Variants in PCDH9 observed in about 807,000 individuals in gnomAD.
PCDH9 encodes the protein protocadherin 9, also known as protocadherin-9.
A neutral mutation model predicts 70.6 loss-of-function variants in PCDH9; 24 were observed. The ratio of observed to expected loss-of-function variants is 0.34; its 90% CI spans 0.25 to 0.48. The LOEUF is 0.48. Ranked by LOEUF, PCDH9 falls within the 20% of genes least tolerant of loss-of-function variation. The pLI is 0.99. For synonymous variants in PCDH9, 562 were observed against 558.5 expected (o/e 1.01, Z -0.09); for missense variants, 1,281 against 1,503.6 (o/e 0.85, Z 2.45).
At chr13:67,174,306 G>GATACATACATACATAC (rs768285646) in intron 2 of PCDH9, among the ~76,000 whole-genome samples, 3 of 142,498 alleles carry the variant, frequency 2.1e-5, no homozygotes, top group South Asian at 2.2e-4. Context: ...TAGATAGATA[G>GATACATACATACATAC]ATAGATAGAT....
chr13:67,123,506 C>T (rs2086915909), intron 2 of PCDH9, among the ~76,000 whole-genome samples: 1 of 152,164 alleles, frequency 6.6e-6, no homozygotes, highest in African/African-American at 2.4e-5. Context: ...TAAACACTAG[C>T]TAAAGACTTC....
At chr13:66,946,271 C>A (rs1171026509) in intron 2 of PCDH9, among the ~76,000 whole-genome samples, 3 of 152,170 alleles carry the variant, frequency 2.0e-5, no homozygotes, top group African/African-American at 7.2e-5. Flanking sequence ...AATATATACT[C>A]ATTAAATATT....
chr13:66,546,103 G>A (rs1042926737), intron 4 of PCDH9, among the ~76,000 whole-genome samples: 8 of 151,482 alleles, frequency 5.3e-5, no homozygotes, highest in Non-Finnish European at 1.0e-4. Context: ...CTCCCAAAGT[G>A]CTGGGATTAC....
chr13:67,130,815 C>T (rs943591059), intron 2 of PCDH9, among the ~76,000 whole-genome samples: 25 of 152,114 alleles, frequency 1.6e-4, no homozygotes, highest in African/African-American at 5.6e-4. Flanking sequence ...CTGTATGCAC[C>T]GGTGGGCCCT....
At chr13:66,755,666 C>T (rs1252186169) in intron 3 of PCDH9, among the ~76,000 whole-genome samples, 1 of 151,944 alleles carries the variant, frequency 6.6e-6, no homozygotes, top group African/African-American at 2.4e-5. Context: ...GCACAACTGA[C>T]CATAATTGAG....
At chr13:66,604,994 A>G in intron 4 of PCDH9, among the ~76,000 whole-genome samples, 1 of 152,048 alleles carries the variant, frequency 6.6e-6, no homozygotes, top group African/African-American at 2.4e-5. Flanking sequence ...GGGTGTTGGG[A>G]GAAAGTGAGA....
At chr13:66,649,129 G>A (rs148758499) in intron 3 of PCDH9, among the ~76,000 whole-genome samples, 51 of 152,070 alleles carry the variant, frequency 3.4e-4, no homozygotes, top group African/African-American at 1.2e-3. Flanking sequence ...GGGTTTGGGG[G>A]AGAAGGTTAT....
intron 3 of PCDH9, among the ~76,000 whole-genome samples, chr13:66,846,213 A>G (rs920169584): frequency 2.0e-5 from 3 of 152,084 alleles, no homozygotes; most frequent in African/African-American, 7.2e-5. Context: ...ATACTGGTAT[A>G]TATTTAGAAA....
chr13:67,157,313 A>G (rs1490689628), intron 2 of PCDH9, among the ~76,000 whole-genome samples: 1 of 152,182 alleles, frequency 6.6e-6, no homozygotes, highest in African/African-American at 2.4e-5. Flanking sequence ...CCTCCATTAA[A>G]TTGCAAATTT....
chr13:66,523,236 A>C (rs1960075718), intron 4 of PCDH9, among the ~76,000 whole-genome samples: 2 of 151,918 alleles, frequency 1.3e-5, no homozygotes, highest in Admixed American at 6.6e-5. Context: ...TCACTATCAA[A>C]ATTTATAATT....
At chr13:66,936,714 C>A (rs1351922373) in intron 2 of PCDH9, among the ~76,000 whole-genome samples, 5 of 152,134 alleles carry the variant, frequency 3.3e-5, no homozygotes, top group Non-Finnish European at 7.4e-5. Context: ...GAAGCAATGA[C>A]ATCTTTGCAT....
intron 2 of PCDH9, among the ~76,000 whole-genome samples, chr13:66,904,157 A>G (rs762581012): frequency 2.6e-5 from 4 of 152,034 alleles, no homozygotes; most frequent in Non-Finnish European, 4.4e-5. Context: ...ACAGAAGTGT[A>G]GTGTCTTAAA....
At chr13:66,607,057 C>A (rs1337791533) in intron 4 of PCDH9, among the ~76,000 whole-genome samples, 1 of 151,972 alleles carries the variant, frequency 6.6e-6, no homozygotes, top group Non-Finnish European at 1.5e-5. Context: ...TTCAGAGGTT[C>A]TATTAAAATA....
intron 4 of PCDH9, among the ~76,000 whole-genome samples, chr13:66,397,371 T>G (rs1382229885): frequency 6.6e-6 from 1 of 151,958 alleles, no homozygotes; most frequent in Non-Finnish European, 1.5e-5. Flanking sequence ...GTGAGCTGTG[T>G]TCATACCACT....
chr13:67,101,143 A>T (rs554535508), intron 2 of PCDH9, among the ~76,000 whole-genome samples: 2 of 152,296 alleles, frequency 1.3e-5, no homozygotes, highest in African/African-American at 4.8e-5. Context: ...AGCAATGGGG[A>T]TTTCTCAGGT....
intron 3 of PCDH9, among the ~76,000 whole-genome samples, chr13:66,901,046 T>C (rs887422175): frequency 6.6e-6 from 1 of 151,702 alleles, no homozygotes; most frequent in East Asian, 1.9e-4. Flanking sequence ...TTACTAAAAC[T>C]GCCCATTTTA....
chr13:66,431,942 G>A (rs1957777058), intron 4 of PCDH9, among the ~76,000 whole-genome samples: 1 of 151,860 alleles, frequency 6.6e-6, no homozygotes, highest in Non-Finnish European at 1.5e-5. Flanking sequence ...TAACATTGTT[G>A]GTTTTGATTA....
chr13:67,208,042 TACA>T (rs1365311585), intron 2 of PCDH9: 2 of 152,274 alleles, frequency 1.3e-5, no homozygotes, highest in African/African-American at 4.8e-5. Flanking sequence ...TTTGTACTTT[TACA>T]ATACAGAACT....
chr13:66,391,630 C>A (rs1457552547), intron 4 of PCDH9, among the ~76,000 whole-genome samples: 1 of 151,986 alleles, frequency 6.6e-6, no homozygotes, highest in African/African-American at 2.4e-5. Flanking sequence ...AATTTTTCCC[C>A]CAATTCAGAG....
Sources: gnomAD v4.1 joint callset for allele counts (sites outside exome capture counted in the v4.1 genomes callset) on GRCh38, gnomAD v4.1.1 for gene constraint, MANE v1.5 for transcripts, NCBI Gene and HGNC (gene_info 2026-07-23, HGNC 2026-07-21) for gene names.